MYT1L: variants seen among roughly 807,000 people sequenced by gnomAD.
MYT1L encodes myelin transcription factor 1 like.
MYT1L carries 12 observed loss-of-function variants against 126.7 expected under a neutral mutation model. That is an observed-to-expected ratio of 0.09 (90% CI 0.06 to 0.15). MYT1L has a LOEUF of 0.15. MYT1L is among the 10% of genes least tolerant of loss of function. The pLI is 1.00. For synonymous variants in MYT1L, 541 were observed against 604.2 expected, an observed-to-expected ratio of 0.90 and a Z score of 1.53; for missense variants, 979 against 1,585.2, an observed-to-expected ratio of 0.62 and a Z score of 6.49.
At chr2:1,945,909 G>A (rs1362074571) in intron 8 of MYT1L, among the ~76,000 whole-genome samples, 4 of 152,172 alleles carry the variant, frequency 2.6e-5, no homozygotes, top group Non-Finnish European at 5.9e-5. Flanking sequence ...TAGCGAAAGG[G>A]AAGAGAAACA....
intron 18 of MYT1L, among the ~76,000 whole-genome samples, chr2:1,882,224 C>T (rs1032256783): frequency 2.8e-4 from 43 of 152,150 alleles, no homozygotes; most frequent in African/African-American, 9.2e-4. Flanking sequence ...AATCCCCGTG[C>T]CCTGGGCCGT....
intron 3 of MYT1L, among the ~76,000 whole-genome samples, chr2:2,109,875 TTA>T (rs58549168): frequency 0.056 from 3,534 of 62,822 alleles, 103 homozygotes; most frequent in African/African-American, 0.067. Context: ...AGTGCTGATT[TTA>T]TATATATATA....
chr2:2,209,650 T>G (rs2093435878), intron 2 of MYT1L, among the ~76,000 whole-genome samples: 1 of 151,502 alleles, frequency 6.6e-6, no homozygotes, highest in Admixed American at 6.6e-5. Flanking sequence ...AATTAAAAAA[T>G]ATATGTATGC....
chr2:2,201,835 A>G (rs1270049135), intron 2 of MYT1L, among the ~76,000 whole-genome samples: 1 of 152,240 alleles, frequency 6.6e-6, no homozygotes, highest in African/African-American at 2.4e-5. Context: ...TTTCTAAACA[A>G]TATTTCCAAG....
At chr2:1,871,362 C>T (rs1004941717) in intron 18 of MYT1L, among the ~76,000 whole-genome samples, 7 of 152,200 alleles carry the variant, frequency 4.6e-5, no homozygotes, top group Admixed American at 2.6e-4. Flanking sequence ...TGGAGAATTC[C>T]GGGAGGGCCC....
intron 2 of MYT1L, among the ~76,000 whole-genome samples, chr2:2,278,293 G>T (rs1559532300): frequency 6.6e-6 from 1 of 152,116 alleles, no homozygotes; most frequent in Non-Finnish European, 1.5e-5. Context: ...GAAACTGAGA[G>T]GCAGAGAGGA....
At chr2:1,937,288 A>C (rs1054323097) in intron 9 of MYT1L, among the ~76,000 whole-genome samples, 1 of 152,240 alleles carries the variant, frequency 6.6e-6, no homozygotes. Context: ...CACATCAAGA[A>C]GTTCCTAACG....
chr2:1,987,441 G>A (rs530280927), intron 5 of MYT1L, among the ~76,000 whole-genome samples: 44 of 152,102 alleles, frequency 2.9e-4, no homozygotes, highest in African/African-American at 8.9e-4. Context: ...CCATGGGAGG[G>A]GCAGCCAGTG....
At chr2:1,953,489 A>G (rs1023348960) in intron 8 of MYT1L, among the ~76,000 whole-genome samples, 3 of 152,216 alleles carry the variant, frequency 2.0e-5, no homozygotes, top group Admixed American at 6.5e-5. Flanking sequence ...ATTCCTGCTC[A>G]TCCTGGAATT....
At position 1,943,800 on chromosome 2, in the gene MYT1L, A is replaced by G. The variant is rs567277421; in HGVS notation, c.153-466T>C. On this transcript the variant is annotated intron_variant, in intron 8 of 24. Transcript: ENST00000647738. This position sits in a 1 kb window ranked among gnomAD's most constrained non-coding sequence, Gnocchi z 4.4. ...TATAAAAATGTCTATGTCGTGAAAG[A>G]GCTTTGGATATATTTGGATTTGTAT... Among the ~76,000 whole-genome samples the G allele has an allele frequency of 3.3e-5, 5 of 152,142 alleles. No homozygotes were observed. Among genetic ancestry groups the G allele is most frequent in the Admixed American group, 6.5e-5 (1 of 15,276 alleles).
At chr2:2,218,395 G>T (rs2093755881) in intron 2 of MYT1L, among the ~76,000 whole-genome samples, 1 of 152,186 alleles carries the variant, frequency 6.6e-6, no homozygotes, top group African/African-American at 2.4e-5. Flanking sequence ...AGAAAGGAGT[G>T]CACTATTGAT....
At chr2:2,229,493 G>C (rs982297018) in intron 2 of MYT1L, among the ~76,000 whole-genome samples, 2 of 151,848 alleles carry the variant, frequency 1.3e-5, no homozygotes, top group Non-Finnish European at 2.9e-5. Context: ...GCAGGCTGAA[G>C]TGCAGTGGTG....
At chr2:2,288,250 G>A (rs1043706577) in intron 1 of MYT1L, among the ~76,000 whole-genome samples, 1 of 152,176 alleles carries the variant, frequency 6.6e-6, no homozygotes, top group African/African-American at 2.4e-5. Context: ...CTGGCCTAAC[G>A]TCACTTAGTT....
At chr2:1,958,247 C>T (rs931975975) in intron 8 of MYT1L, among the ~76,000 whole-genome samples, 1 of 151,458 alleles carries the variant, frequency 6.6e-6, no homozygotes, top group Non-Finnish European at 1.5e-5. Context: ...AGCTGGAGGA[C>T]GAGGATGTGG....
intron 3 of MYT1L, among the ~76,000 whole-genome samples, chr2:2,078,933 G>A (rs532097756): frequency 6.6e-6 from 1 of 152,284 alleles, no homozygotes; most frequent in East Asian, 1.9e-4. Context: ...AAGGGATGGG[G>A]TCCTTGGAAG....
At position 2,158,342 on chromosome 2, in the gene MYT1L, C is replaced by T. The variant is rs530906045; in HGVS notation, c.-304+14530G>A. Among the ~76,000 whole-genome samples the T allele has an allele frequency of 5.3e-5, 8 of 152,282 alleles. No individual in the cohort carries two copies. The South Asian group carries it at 6.2e-4, about 12-fold the overall frequency. On this transcript the variant is annotated intron_variant, in intron 3 of 24. Coordinates refer to ENST00000647738, the MANE Select transcript of MYT1L (RefSeq NM_001303052.2). ...TGCAAGGAAAGGTTTGGCAGACTCC[C>T]GGGGAGCTGTGAAACAGTGTGTTTG...
Position 1,943,132 on chromosome 2 carries a change from C to T in MYT1L, c.355G>A (p.Asp119Asn), listed in dbSNP as rs1250893679. The change falls in exon 9 of 25, where the codon GAT (aspartate) becomes AAT (asparagine). Residue 119 changes from aspartate to asparagine, a missense_variant. Transcript: ENST00000647738. The surrounding 1 kb of genome is among the most constrained non-coding windows in gnomAD (Gnocchi z 4.4). ...EYSEDNDEPG[D>N]EDEEDEEGDR... is the part of the protein sequence containing the mutation. ...CCCTCCTCGTCCTCCTCGTCCTCAT[C>T]CCCTGGCTCATCATTGTCCTCGGAG... is the stretch of plus-strand genomic sequence containing the variant. 1.3e-6 allele frequency: 2 copies of T among 1,523,598 alleles called. No homozygotes were observed. Among genetic ancestry groups the T allele is most frequent in the East Asian group, 2.5e-5 (1 of 40,690 alleles). 94.4% of individuals were successfully genotyped at this position (1,523,598 alleles called of 1,614,324 possible).
chr2:2,124,501 G>T (rs1054168227), intron 3 of MYT1L, among the ~76,000 whole-genome samples: 1 of 152,126 alleles, frequency 6.6e-6, no homozygotes, highest in South Asian at 2.1e-4. Context: ...TCACCATGTT[G>T]CCCAGGCTGG....
chr2:1,866,685 CAGAGAGAGAG>C (rs2045573019), intron 18 of MYT1L, among the ~76,000 whole-genome samples: 4 of 27,672 alleles, frequency 1.4e-4, no homozygotes, highest in Admixed American at 5.1e-4. Flanking sequence ...GAGAGAGAGG[CAGAGAGAGAG>C]GGAGAGGGAG....
Sources: allele counts gnomAD v4.1 joint callset (sites outside exome capture counted in the v4.1 genomes callset), GRCh38; gene constraint gnomAD v4.1.1; non-coding constraint Gnocchi (gnomAD v3.1); transcripts MANE v1.5; gene names NCBI Gene and HGNC (gene_info 2026-07-23, HGNC 2026-07-21).